The following PLAGL1 variants were observed in gnomAD, a reference collection of about 807,000 sequenced individuals.
PLAGL1 encodes the protein PLAG1 like zinc finger 1.
PLAGL1 carries 1 observed loss-of-function variant against 4.6 expected under a neutral mutation model. The observed-to-expected ratio is 0.22, with a 90% CI of 0.08 to 1.03. PLAGL1 has a LOEUF of 1.03. Among genes scored for constraint, PLAGL1 ranks in the 50% least tolerant of loss-of-function variants. The pLI is 0.58. For missense variants in PLAGL1, 464 were observed against 570.4 expected, an observed-to-expected ratio of 0.81 and a Z score of 1.90; for synonymous variants, 240 against 237.8, an observed-to-expected ratio of 1.01 and a Z score of -0.08.
At chr6:144,060,638 T>TA (rs1799317740) in intron 1 of PLAGL1, among the ~76,000 whole-genome samples, 2 of 152,180 alleles carry the variant, frequency 1.3e-5, no homozygotes, top group South Asian at 4.1e-4. Context: ...CACTGGGAAG[T>TA]ATTCTCCAAA....
In PLAGL1 at chr6:144,020,578, G is replaced by T. The variant is rs182107808; in HGVS notation, c.-151+43890C>A. On this transcript the variant is annotated intron_variant, in intron 1 of 3. Transcript: ENST00000437412. ...TGGGATTACAGGCATGAGCCACCAC[G>T]CCCGGCCCTTTGTTTGTTTTTAATG... Among the ~76,000 whole-genome samples, 7 of 151,552 alleles carry T rather than the reference G, an allele frequency of 4.6e-5. No individual in the cohort carries two copies. The East Asian group carries it at 1.4e-3, about 29-fold the overall frequency.
In PLAGL1 at chr6:143,940,953, G is replaced by GA. The variant is rs1174950417; in HGVS notation, c.*470dup. On this transcript the variant is annotated 3_prime_UTR_variant, in exon 8 of 8. Coordinates refer to ENST00000674357, the MANE Select transcript of PLAGL1 (RefSeq NM_001317162.2). Reference sequence around the variant, plus strand: ...TAAACTACATCCAACCCTGAAGGTAGAAAAATCCCTGAAAAGAAATACACA... The same window carrying GA: ...TAAACTACATCCAACCCTGAAGGTAGAAAAAATCCCTGAAAAGAAATACACA... The GA allele has an allele frequency of 1.3e-5, 2 of 152,724 alleles. No individual in the cohort carries two copies. The highest frequency in any genetic ancestry group is 2.4e-5 in the African/African-American group (1 of 41,434). 9.5% of individuals were successfully genotyped at this position (152,724 alleles called of 1,614,324 possible).
At position 143,973,711 on chromosome 6, in the gene PLAGL1, G is replaced by T. The variant is rs370051527; in HGVS notation, c.-543-4733C>A. Among the ~76,000 whole-genome samples, 1 of 152,114 alleles carries T rather than the reference G, an allele frequency of 6.6e-6. No individual in the cohort carries two copies. Reference sequence around the variant, plus strand: ...TAGCCAGAGGAAGATGGCTATACACGCAGCCTCTATTAGTTCACTGCTGTG... The same window carrying T: ...TAGCCAGAGGAAGATGGCTATACACTCAGCCTCTATTAGTTCACTGCTGTG... On this transcript the variant is annotated intron_variant, in intron 2 of 7. Transcript: ENST00000674357. This position sits in a 1 kb window ranked among gnomAD's most constrained non-coding sequence, Gnocchi z 6.2.
rs768326522 is a variant in PLAGL1 at position 143,941,542 on chromosome 6, G to A, written c.1274C>T (p.Pro425Leu). Reference protein sequence around the residue: ...LSCLGQQQQEPPLAMGTVSLG... With the variant: ...LSCLGQQQQELPLAMGTVSLG... ...GCTCACAGTGCCCATGGCAAGTGGG[G>A]GTTCTTGCTGCTGCTGCCCCAGACA... Residue 425 changes from proline (P) to leucine (L), a missense_variant, in exon 8 of 8, where the codon CCC becomes CTC. This residue lies in a region of PLAGL1 where 248 missense variants were observed against 250.1 expected (regional missense o/e 0.99). Transcript: ENST00000674357. The surrounding 1 kb of genome is among the most constrained non-coding windows in gnomAD (Gnocchi z 6.0). 1 of 1,566,088 alleles carries A rather than the reference G, an allele frequency of 6.4e-7. No homozygotes were observed. The highest frequency in any genetic ancestry group is 2.2e-5 in the East Asian group (1 of 44,508).
rs1028025742 is a variant in PLAGL1 at position 143,961,768 on chromosome 6, G to A, written c.-398-1226C>T. ...GAAAGAGCTTTAAAAAGACATTAAA[G>A]CAAAAGAGTAAAATTCTTCCGGATG... On this transcript the variant is annotated intron_variant, in intron 5 of 7. Coordinates refer to ENST00000674357, the MANE Select transcript of PLAGL1 (RefSeq NM_001317162.2). The surrounding 1 kb of genome is among the most constrained non-coding windows in gnomAD (Gnocchi z 6.5). Among the ~76,000 whole-genome samples, 2 of 152,112 alleles carry A rather than the reference G, an allele frequency of 1.3e-5. No homozygotes were observed. The highest frequency in any genetic ancestry group is 4.8e-5 in the African/African-American group (2 of 41,424).
chr6:143,995,724 G>T lies in PLAGL1; in HGVS notation c.-583-10550C>A, dbSNP rs868868174. On this transcript the variant is annotated intron_variant, in intron 1 of 7. Transcript: ENST00000674357. The surrounding 1 kb of genome is among the most constrained non-coding windows in gnomAD (Gnocchi z 4.4). ...ATTTTTTTTTTCCTGAAGACTAAAG[G>T]AAGAAAGATCACCCTTTCTACATGT... Among the ~76,000 whole-genome samples the T allele has an allele frequency of 2.6e-5, 4 of 151,838 alleles. No individual in the cohort carries two copies. In the East Asian group the frequency reaches 7.7e-4, roughly 29 times the overall value.
intron 1 of PLAGL1, among the ~76,000 whole-genome samples, chr6:144,062,600 C>T (rs1481691483): frequency 6.6e-6 from 1 of 152,004 alleles, no homozygotes; most frequent in Non-Finnish European, 1.5e-5. Flanking sequence ...CTTTTCCCCC[C>T]AAACCTAGGG....
chr6:144,032,754 G>A (rs1796926053), intron 1 of PLAGL1, among the ~76,000 whole-genome samples: 1 of 152,060 alleles, frequency 6.6e-6, no homozygotes. Context: ...TAGAGACAGG[G>A]TTTCACCATG....
intron 1 of PLAGL1, among the ~76,000 whole-genome samples, chr6:144,014,389 A>G (rs2128691839): frequency 6.6e-6 from 1 of 152,186 alleles, no homozygotes; most frequent in East Asian, 1.9e-4. Flanking sequence ...AGATTGCACC[A>G]CTGCACTCCA....
chr6:144,007,973 G>C (rs1490854854), intron 1 of PLAGL1, 117 bp downstream of exon 1: 1 of 152,060 alleles, frequency 6.6e-6, no homozygotes, highest in Admixed American at 6.6e-5. Flanking sequence ...TAGGCGGCGC[G>C]GCAAAGGCAC....
intron 1 of PLAGL1, among the ~76,000 whole-genome samples, chr6:144,002,004 A>G (rs1793007653): frequency 1.3e-5 from 2 of 152,124 alleles, no homozygotes. Context: ...AAAAAAAAAG[A>G]ACATTAGAGG....
chr6:144,025,818 G>A (rs764592142), intron 1 of PLAGL1, among the ~76,000 whole-genome samples: 11 of 151,964 alleles, frequency 7.2e-5, no homozygotes, highest in Admixed American at 2.0e-4. Flanking sequence ...GCTTGAACCC[G>A]GGAGGTGGAG....
In PLAGL1 at chr6:143,942,201, C is replaced by A. The variant is rs1273525773; in HGVS notation, c.615G>T (p.Lys205Asn). 1 of 1,614,150 alleles carries A rather than the reference C, an allele frequency of 6.2e-7. No homozygotes were observed. The highest frequency in any genetic ancestry group is 1.1e-5 in the South Asian group (1 of 91,082). ...RKDHLTRHTKKTHSQELMKES... is the reference protein window; with the variant it reads ...RKDHLTRHTKNTHSQELMKES... ...CTTTCATCAGCTCCTGTGAGTGGGT[C>A]TTCTTGGTATGCCGGGTGAGGTGAT... Residue 205 changes from lysine (K) to asparagine (N), a missense_variant, in exon 8 of 8, where the codon AAG becomes AAT. By Grantham distance (94) the Lys-to-Asn change is moderately conservative. This residue lies in a region of PLAGL1 where 35 missense variants were observed against 77.3 expected (regional missense o/e 0.45). Transcript: ENST00000674357. This position sits in a 1 kb window ranked among gnomAD's most constrained non-coding sequence, Gnocchi z 7.6.
chr6:143,987,428 C>T (rs961378894), intron 1 of PLAGL1, among the ~76,000 whole-genome samples: 1 of 131,382 alleles, frequency 7.6e-6, no homozygotes, highest in African/African-American at 2.7e-5. Context: ...GCATGTGCCA[C>T]CACACTGGCT....
At position 143,950,893 on chromosome 6, in the gene PLAGL1, TAATTTA is replaced by T. The variant is rs1179694426; in HGVS notation, c.-324-2439_-324-2434del. 6.6e-6 allele frequency among the ~76,000 whole-genome samples: 1 copy of T among 152,202 alleles called. No homozygotes were observed. The highest frequency in any genetic ancestry group is 2.4e-5 in the African/African-American group (1 of 41,446). ...CTGAAACTTTTACTTTATTTAACTTTAATTTAAATTGCCACATAGTGCCAGTGGCTG... is the reference window on the plus strand; with the variant it reads ...CTGAAACTTTTACTTTATTTAACTTTAATTGCCACATAGTGCCAGTGGCTG... On this transcript the variant is annotated intron_variant, in intron 6 of 7. Transcript: ENST00000674357. This position sits in a 1 kb window ranked among gnomAD's most constrained non-coding sequence, Gnocchi z 6.3.
In PLAGL1 at chr6:143,959,533, T is replaced by C. The variant is rs1782897968; in HGVS notation, c.-325+936A>G. ...TTCTTGGTCAATAAATCCAAATATT[T>C]AGTGACAATATTGTATTTCAGTAGG... On this transcript the variant is annotated intron_variant, in intron 6 of 7. Coordinates refer to ENST00000674357, the MANE Select transcript of PLAGL1 (RefSeq NM_001317162.2). This position sits in a 1 kb window ranked among gnomAD's most constrained non-coding sequence, Gnocchi z 5.3. Among the ~76,000 whole-genome samples, 1 of 152,206 alleles carries C rather than the reference T, an allele frequency of 6.6e-6. No homozygotes were observed. Among genetic ancestry groups the C allele is most frequent in the Non-Finnish European group, 1.5e-5 (1 of 68,044 alleles).
At chr6:144,060,154 A>G (rs1799283339) in intron 1 of PLAGL1, among the ~76,000 whole-genome samples, 2 of 151,046 alleles carry the variant, frequency 1.3e-5, no homozygotes, top group South Asian at 4.2e-4. Flanking sequence ...CTCAAGCAAT[A>G]CTCCCACCTC....
At chr6:143,992,738 G>A (rs1404707615) in intron 1 of PLAGL1, among the ~76,000 whole-genome samples, 1 of 152,218 alleles carries the variant, frequency 6.6e-6, no homozygotes, top group Non-Finnish European at 1.5e-5. Flanking sequence ...AGCACCTTGG[G>A]AGGCCAAGGC....
chr6:144,035,073 G>A (rs556086107), intron 1 of PLAGL1, among the ~76,000 whole-genome samples: 8 of 152,222 alleles, frequency 5.3e-5, no homozygotes, highest in Non-Finnish European at 1.0e-4. Flanking sequence ...ACATTTCAAA[G>A]TTTTTCATAC....
Sources: allele counts gnomAD v4.1 joint callset (sites outside exome capture counted in the v4.1 genomes callset), GRCh38; gene constraint gnomAD v4.1.1; regional missense constraint gnomAD v4.1.1; non-coding constraint Gnocchi (gnomAD v3.1); transcripts MANE v1.5; gene names NCBI Gene and HGNC (gene_info 2026-07-23, HGNC 2026-07-21).